The following SMC1A variants were observed in gnomAD, a reference collection of about 807,000 sequenced individuals.
The protein encoded by SMC1A is structural maintenance of chromosomes protein 1A.
SMC1A carries 4 observed loss-of-function variants against 94.5 expected under a neutral mutation model. That is an observed-to-expected ratio of 0.04 (90% CI 0.02 to 0.10). The LOEUF (loss-of-function observed/expected upper bound fraction) is 0.10. Ranked by LOEUF, SMC1A falls within the 10% of genes least tolerant of loss-of-function variation. The probability of loss-of-function intolerance (pLI) is 1.00; values close to 1 mark genes in which losing one functional copy is unlikely to be tolerated. For missense variants in SMC1A, 304 were observed against 989.0 expected, an observed-to-expected ratio of 0.31 and a Z score of 9.29; for synonymous variants, 345 against 347.7, an observed-to-expected ratio of 0.99 and a Z score of 0.09.
At chrX:53,412,805 G>A in intron 5 of SMC1A, 95 bp downstream of exon 5, 1 of 1,168,367 alleles carries the variant, frequency 8.6e-7, no homozygotes. Flanking sequence ...ACAGAGAAAT[G>A]AGTATAGGTA....
chrX:53,417,653 A>G (rs1229297686), intron 1 of SMC1A, among the ~76,000 whole-genome samples: 1 of 111,339 alleles, frequency 9.0e-6, no homozygotes, highest in Non-Finnish European at 1.9e-5. Context: ...CTCTGGTTCC[A>G]AAATAACAAA....
chrX:53,415,486 G>A (rs1421028806), intron 1 of SMC1A, among the ~76,000 whole-genome samples: 1 of 110,329 alleles, frequency 9.1e-6, no homozygotes, highest in Non-Finnish European at 1.9e-5. Context: ...CCAGGAGTTT[G>A]AAACCAGCTT....
intron 9 of SMC1A, 94 bp downstream of exon 9, chrX:53,408,968 T>C (rs1189934382): frequency 4.8e-6 from 4 of 837,572 alleles, no homozygotes; most frequent in Admixed American, 4.7e-5. Context: ...ACAATAAAAA[T>C]GGGATTGGCA....
At chrX:53,404,046 T>C (rs1007716360) in intron 13 of SMC1A, among the ~76,000 whole-genome samples, 153 bp from the exon 14 acceptor site, 2 of 111,308 alleles carry the variant, frequency 1.8e-5, no homozygotes, top group African/African-American at 3.3e-5. Context: ...CTCCATGATG[T>C]TGCACTGAAG....
intron 9 of SMC1A, among the ~76,000 whole-genome samples, chrX:53,406,651 C>T (rs2075692145): frequency 9.0e-6 from 1 of 111,620 alleles, no homozygotes; most frequent in Non-Finnish European, 1.9e-5. Context: ...ATGGACTAGA[C>T]TAATTATTAA....
chrX:53,383,289 C>T, intron 19 of SMC1A, 36 bp from the exon 20 acceptor site: 1 of 1,157,597 alleles, frequency 8.6e-7, no homozygotes, highest in East Asian at 3.3e-5. Flanking sequence ...CAAGAAGGGC[C>T]TGGCCCCTGT....
chrX:53,422,157 G>C (rs1320377742), intron 1 of SMC1A: 1 of 841,845 alleles, frequency 1.2e-6, no homozygotes, highest in Non-Finnish European at 1.7e-6. Context: ...GTCCGGCGGG[G>C]AGCCGCGCGG....
intron 19 of SMC1A, among the ~76,000 whole-genome samples, chrX:53,384,565 G>C (rs781896381): frequency 3.6e-5 from 4 of 111,023 alleles, no homozygotes; most frequent in Non-Finnish European, 7.6e-5. Context: ...TGCCCGGCCA[G>C]GAACAGACTT....
At chrX:53,401,227 G>A (rs1467102818) in intron 15 of SMC1A, among the ~76,000 whole-genome samples, 7 of 110,871 alleles carry the variant, frequency 6.3e-5, no homozygotes, top group African/African-American at 2.3e-4. Context: ...TAGACTTTAG[G>A]TGCAGAAGCA....
At chrX:53,385,560 C>A (rs1210479136) in intron 19 of SMC1A, among the ~76,000 whole-genome samples, 4 of 110,145 alleles carry the variant, frequency 3.6e-5, no homozygotes, top group African/African-American at 1.3e-4. Context: ...CAGGTGTGAG[C>A]CACCGCGCCC....
chrX:53,420,697 G>A (rs1460135680), intron 1 of SMC1A, among the ~76,000 whole-genome samples: 1 of 111,326 alleles, frequency 9.0e-6, no homozygotes, highest in African/African-American at 3.3e-5. Flanking sequence ...CAGCCTTTTA[G>A]GAACCAATAT....
In SMC1A at chrX:53,376,374, A is replaced by G. The variant is rs1464084610; in HGVS notation, c.*3729T>C. The stretch of plus-strand genomic sequence containing the variant: ...ACCTTTATAAGCATTCAAGATTCCA[A>G]ATCTTCACCCCAGACTTAATGAATG... On this transcript the variant is annotated 3_prime_UTR_variant, in exon 25 of 25. Coordinates refer to ENST00000322213, the MANE Select transcript of SMC1A (RefSeq NM_006306.4). The G allele has an allele frequency of 9.0e-6, 1 of 111,451 alleles. No individual in the cohort carries two copies. The highest frequency in any genetic ancestry group is 1.9e-5 in the Non-Finnish European group (1 of 53,034). The allele number at this position is 111,451 out of a possible 1,213,427, so 9.2% of individuals were successfully genotyped here.
intron 19 of SMC1A, among the ~76,000 whole-genome samples, chrX:53,392,659 G>C (rs1356276879): frequency 9.0e-6 from 1 of 111,077 alleles, no homozygotes; most frequent in East Asian, 2.9e-4. Context: ...TGTTGGCCAG[G>C]CTAGTCTCAA....
chrX:53,419,010 C>T, intron 1 of SMC1A, among the ~76,000 whole-genome samples: 1 of 92,209 alleles, frequency 1.1e-5, no homozygotes, highest in Middle Eastern at 6.2e-3. Context: ...CACTGCACTC[C>T]AACCTGGGCG....
chrX:53,422,405 G>A (rs2075763694), intron 1 of SMC1A, 87 bp downstream of exon 1: 1 of 668,420 alleles, frequency 1.5e-6, no homozygotes, highest in Non-Finnish European at 2.4e-6. Flanking sequence ...GACGTTTCAG[G>A]TTACATGGGC....
At chrX:53,384,992 AATAT>A (rs1306359802) in intron 19 of SMC1A, among the ~76,000 whole-genome samples, 6 of 107,891 alleles carry the variant, frequency 5.6e-5, no homozygotes, top group Non-Finnish European at 9.6e-5. Context: ...AGCTAAAAAA[AATAT>A]ATATATATAT....
In SMC1A at chrX:53,413,085, C is replaced by G. The variant is rs1556890780; in HGVS notation, c.669G>C (p.Leu223=). Residue 223 remains leucine, a synonymous_variant, in exon 5 of 25, where the codon CTG becomes CTC. Coordinates refer to ENST00000322213, the MANE Select transcript of SMC1A (RefSeq NM_006306.4). ...CATTATGGTAAAGCTTAAAGAGCTG[C>G]AGCTGTACCTGAGCCCGTACTACCT... is the stretch of plus-strand genomic sequence containing the variant. ...KDEVVRAQVQ[L]QLFKLYHNEV... The G allele has an allele frequency of 8.3e-7, 1 of 1,211,648 alleles. No individual in the cohort carries two copies. The highest frequency in any genetic ancestry group is 1.1e-6 in the Non-Finnish European group (1 of 895,482).
In SMC1A at chrX:53,410,176, C is replaced by T. The variant is rs1421374019; in HGVS notation, c.1255-673G>A. 4.5e-5 allele frequency among the ~76,000 whole-genome samples: 5 copies of T among 110,998 alleles called. No homozygotes were observed. In the East Asian group the frequency reaches 1.4e-3, roughly 31 times the overall value. On this transcript the variant is annotated intron_variant, in intron 7 of 24. Transcript: ENST00000322213. ...AGTGTGGGCTTTAGAGCTACAATGC[C>T]CAGGGTCTGGTTCTGATACTTAATA...
At position 53,388,745 on chromosome X, in the gene SMC1A, C is replaced by A. The variant is rs781799338; in HGVS notation, c.2974-5492G>T. 5.5e-5 allele frequency among the ~76,000 whole-genome samples: 6 copies of A among 109,693 alleles called. No homozygotes were observed. In the South Asian group the frequency reaches 2.4e-3, roughly 43 times the overall value. On this transcript the variant is annotated intron_variant, in intron 19 of 24. Transcript: ENST00000322213. ...AGGCACGGTGGCTCACACCTGTAAT[C>A]CGAGCACTCTGGGAGGCCGAGGCGG... is the stretch of plus-strand genomic sequence containing the variant.
Sources: gnomAD v4.1 joint callset for allele counts (sites outside exome capture counted in the v4.1 genomes callset) on GRCh38, gnomAD v4.1.1 for gene constraint, MANE v1.5 for transcripts, NCBI Gene and HGNC (gene_info 2026-07-23, HGNC 2026-07-21) for gene names.